Variants in TRPM1 observed in about 807,000 individuals in gnomAD.
The protein encoded by TRPM1 is TRPM1-203 APA Isoform, Intron 10.
Under a neutral mutation model 149.4 loss-of-function variants are expected in TRPM1, and 113 were observed. The ratio of observed to expected loss-of-function variants is 0.76; its 90% CI spans 0.65 to 0.88. The LOEUF (loss-of-function observed/expected upper bound fraction) is 0.88, where lower values mean the gene tolerates loss of function less well. Among genes scored for constraint, TRPM1 ranks in the 40% least tolerant of loss-of-function variants. The pLI is 0.00. For synonymous variants in TRPM1, 741 were observed against 759.5 expected (o/e 0.98, Z 0.40); for missense variants, 1,976 against 2,038.7 (o/e 0.97, Z 0.59).
chr15:31,062,758 T>G lies in TRPM1; in HGVS notation c.966-56A>C. ...AAGGCAAGTTAAATCTATATATGAA[T>G]GAGTCAGACATATCTCTGTCTTTGA... On this transcript the variant is annotated intron_variant, in intron 8 of 27. Transcript: ENST00000256552. 5.1e-6 allele frequency: 8 copies of G among 1,578,258 alleles called. 1 individual carries two copies. Among genetic ancestry groups the G allele is most frequent in the South Asian group, 4.4e-5 (4 of 90,268 alleles).
At position 31,078,019 on chromosome 15, in the gene TRPM1, G is replaced by A. The variant is rs184063586; in HGVS notation, c.4-1035C>T. On this transcript the variant is annotated intron_variant, in intron 2 of 27. Coordinates refer to ENST00000256552, the MANE Select transcript of TRPM1 (RefSeq NM_001252024.2). ...GTGGGGAGCTTGTGGGGTGCTTGCAGGCATGGGGAAGTAGAACGCTTAGCA... is the reference window on the plus strand; with the variant it reads ...GTGGGGAGCTTGTGGGGTGCTTGCAAGCATGGGGAAGTAGAACGCTTAGCA... Among the ~76,000 whole-genome samples the A allele has an allele frequency of 9.2e-5, 14 of 152,220 alleles. No individual in the cohort carries two copies. In the East Asian group the frequency reaches 2.7e-3, roughly 29 times the overall value.
intron 7 of TRPM1, 98 bp from the exon 8 acceptor site, chr15:31,063,390 G>T: frequency 6.9e-7 from 1 of 1,448,560 alleles, no homozygotes; most frequent in Non-Finnish European, 9.7e-7. Flanking sequence ...AAAACATTAC[G>T]ACTTGGGGGA....
intron 1 of TRPM1, among the ~76,000 whole-genome samples, chr15:31,127,841 A>C (rs2141040094): frequency 6.6e-6 from 1 of 152,324 alleles, no homozygotes; most frequent in South Asian, 2.1e-4. Context: ...AGAGGATGAG[A>C]AACAAGGACG....
Position 31,040,885 on chromosome 15 carries a change from T to C in TRPM1, c.2088-539A>G, listed in dbSNP as rs2140928344. Reference sequence around the variant, plus strand: ...CCTGTGGACTGTCACCAGCTGGACATTTCGGATGTATGCCTTTCTCTGCCC... The same window carrying C: ...CCTGTGGACTGTCACCAGCTGGACACTTCGGATGTATGCCTTTCTCTGCCC... On this transcript the variant is annotated intron_variant, in intron 17 of 27. Coordinates refer to ENST00000256552, the MANE Select transcript of TRPM1 (RefSeq NM_001252024.2). The surrounding 1 kb of genome is among the most constrained non-coding windows in gnomAD (Gnocchi z 4.2). 6.6e-6 allele frequency among the ~76,000 whole-genome samples: 1 copy of C among 152,232 alleles called. No individual in the cohort carries two copies. The highest frequency in any genetic ancestry group is 1.9e-4 in the East Asian group (1 of 5,166).
chr15:31,042,099 G>A lies in TRPM1; in HGVS notation c.1939C>T (p.Gln647Ter). 1 of 1,614,198 alleles carries A rather than the reference G, an allele frequency of 6.2e-7. No homozygotes were observed. Among genetic ancestry groups the A allele is most frequent in the Non-Finnish European group, 8.5e-7 (1 of 1,180,028 alleles). The change falls in exon 17 of 28, where the codon CAG (glutamine) becomes TAG (stop). Residue 647 changes from glutamine to a stop codon, truncating the protein, a stop_gained. Transcript: ENST00000256552. LOFTEE classifies it high-confidence loss of function. ...TGCCAGAGGAACACTGCCATTTTCT[G>A]GCGTTTCATCAGCACTGCCCACACC... Reference protein sequence around the residue: ...LMVWAVLMKRQKMAVFLWQRG... With the variant: ...LMVWAVLMKR
intron 3 of TRPM1, among the ~76,000 whole-genome samples, chr15:31,072,002 TATATATATATATATATAGAGAGAG>T (rs1167536740): frequency 0.014 from 932 of 67,902 alleles, 16 homozygotes; most frequent in Non-Finnish European, 0.02. Context: ...TATATATATA[TATATATATATATATATAGAGAGAG>T]AGAGAGAGAG....
chr15:31,111,463 C>T (rs2035688684), intron 1 of TRPM1, among the ~76,000 whole-genome samples: 1 of 152,178 alleles, frequency 6.6e-6, no homozygotes. Context: ...TTGATTCGAC[C>T]TTTTCTTCCT....
intron 11 of TRPM1, among the ~76,000 whole-genome samples, chr15:31,059,858 G>T (rs1393265554): frequency 6.6e-6 from 1 of 152,160 alleles, no homozygotes; most frequent in South Asian, 2.1e-4. Flanking sequence ...GAAGAAGTAG[G>T]AGGCTTGGAG....
chr15:31,088,717 T>C (rs182866473), intron 1 of TRPM1, among the ~76,000 whole-genome samples: 14 of 151,824 alleles, frequency 9.2e-5, no homozygotes, highest in Non-Finnish European at 1.5e-4. Flanking sequence ...TCGTATGAGA[T>C]TGACTGAAGC....
At chr15:31,111,647 C>G (rs926745924) in intron 1 of TRPM1, among the ~76,000 whole-genome samples, 3 of 152,212 alleles carry the variant, frequency 2.0e-5, no homozygotes, top group African/African-American at 7.2e-5. Flanking sequence ...TGGCTCCTCA[C>G]AGTCCACACG....
rs2033582554 is a variant in TRPM1 at position 31,040,584 on chromosome 15, T to C, written c.2088-238A>G. Among the ~76,000 whole-genome samples, 2 of 152,232 alleles carry C rather than the reference T, an allele frequency of 1.3e-5. No homozygotes were observed. The highest frequency in any genetic ancestry group is 1.3e-4 in the Admixed American group (2 of 15,290). On this transcript the variant is annotated intron_variant, in intron 17 of 27. Coordinates refer to ENST00000256552, the MANE Select transcript of TRPM1 (RefSeq NM_001252024.2). The surrounding 1 kb of genome is among the most constrained non-coding windows in gnomAD (Gnocchi z 4.2). ...TGACTGCTACTGCTGCAAATGGAGC[T>C]GTAGGTTGAGACCACATCTGCCCCT...
chr15:31,023,304 T>A (rs1262611903), intron 27 of TRPM1, among the ~76,000 whole-genome samples: 3 of 152,074 alleles, frequency 2.0e-5, no homozygotes, highest in African/African-American at 7.2e-5. Context: ...AAGCAGTGCT[T>A]TGAGGAAATG....
chr15:31,080,368 G>A (rs542768569), intron 2 of TRPM1, among the ~76,000 whole-genome samples: 1 of 152,294 alleles, frequency 6.6e-6, no homozygotes, highest in South Asian at 2.1e-4. Flanking sequence ...CACATCGCCT[G>A]TCATGGAACA....
At chr15:31,108,004 T>C (rs2035632095) in intron 1 of TRPM1, among the ~76,000 whole-genome samples, 1 of 151,992 alleles carries the variant, frequency 6.6e-6, no homozygotes, top group African/African-American at 2.4e-5. Context: ...ATTATAGGTG[T>C]GTGACCCCAT....
At position 31,110,366 on chromosome 15, in the gene TRPM1, C is replaced by T. The variant is rs565037066; in HGVS notation, c.55-33382G>A. 7.2e-5 allele frequency among the ~76,000 whole-genome samples: 11 copies of T among 152,202 alleles called. 2 individuals are homozygous for T. Among genetic ancestry groups the T allele is most frequent in the African/African-American group, 2.6e-4 (11 of 41,524 alleles). On this transcript the variant is annotated intron_variant, in intron 1 of 26. Transcript: ENST00000542188. ...TAAACAAATGGATAACTAGATTAGG[C>T]AAAGACATAGAGGTCTATCAATACT...
At chr15:31,085,865 A>AT (rs926968212) in intron 1 of TRPM1, among the ~76,000 whole-genome samples, 5 of 152,236 alleles carry the variant, frequency 3.3e-5, no homozygotes, top group African/African-American at 1.2e-4. Context: ...TTTGCTTCTC[A>AT]TTTTTTACCA....
At chr15:31,079,564 G>A (rs1441133467) in intron 2 of TRPM1, among the ~76,000 whole-genome samples, 1 of 152,230 alleles carries the variant, frequency 6.6e-6, no homozygotes, top group African/African-American at 2.4e-5. Flanking sequence ...TTATAACCTG[G>A]TGTCCAAAGT....
In TRPM1 at chr15:31,050,436, G is replaced by A; in HGVS notation, c.1410C>T (p.Asp470=). ...AGTTCAGCAGCTCTATCTTCCGGGG[G>A]TCAGTTTCTTCCTCCACTTCCTCTT... ...KVKEEVEEET[D]PRKIELLNWV... Residue 470 remains aspartate (D), a synonymous_variant, in exon 12 of 28, where the codon GAC becomes GAT. Transcript: ENST00000256552. 1 of 1,614,064 alleles carries A rather than the reference G, an allele frequency of 6.2e-7. No individual in the cohort carries two copies. The highest frequency in any genetic ancestry group is 8.5e-7 in the Non-Finnish European group (1 of 1,180,016).
At chr15:31,009,385 A>G (rs2032104069) in intron 27 of TRPM1, among the ~76,000 whole-genome samples, 1 of 152,156 alleles carries the variant, frequency 6.6e-6, no homozygotes, top group Non-Finnish European at 1.5e-5. Flanking sequence ...CTGACCTCCA[A>G]GGTTTCTGAT....
Sources: gnomAD v4.1 joint callset for allele counts (sites outside exome capture counted in the v4.1 genomes callset) on GRCh38, gnomAD v4.1.1 for gene constraint, Gnocchi (gnomAD v3.1) non-coding constraint, MANE v1.5 for transcripts, NCBI Gene and HGNC (gene_info 2026-07-23, HGNC 2026-07-21) for gene names.